Variants in CMSS1 observed in about 807,000 individuals in gnomAD.
CMSS1 encodes cms1 ribosomal small subunit homolog.
A neutral mutation model predicts 43.5 loss-of-function variants in CMSS1; 33 were observed. The observed-to-expected ratio is 0.76, with a 90% confidence interval of 0.57 to 1.01. The LOEUF (loss-of-function observed/expected upper bound fraction) is 1.01. Among genes scored for constraint, CMSS1 ranks in the 50% least tolerant of loss-of-function variants. The pLI is 0.00. For synonymous variants in CMSS1, 115 were observed against 117.2 expected, an observed-to-expected ratio of 0.98 and a Z score of 0.12; for missense variants, 313 against 326.4, an observed-to-expected ratio of 0.96 and a Z score of 0.32.
At chr3:100,020,135 G>T (rs1356035173) in intron 1 of CMSS1, among the ~76,000 whole-genome samples, 1 of 152,188 alleles carries the variant, frequency 6.6e-6, no homozygotes, top group Non-Finnish European at 1.5e-5. Context: ...CTAAAATTAA[G>T]TGGCATTTAA....
chr3:100,177,169 A>C (rs142997477), intron 9 of CMSS1, among the ~76,000 whole-genome samples: 91 of 152,352 alleles, frequency 6.0e-4, no homozygotes, highest in Non-Finnish European at 1.1e-3. Flanking sequence ...TGAATGAATT[A>C]ATTTATCACA....
chr3:99,998,905 C>T (rs143612096), intron 1 of CMSS1, among the ~76,000 whole-genome samples: 2 of 152,320 alleles, frequency 1.3e-5, no homozygotes, highest in African/African-American at 4.8e-5. Context: ...TTTCCCCCAA[C>T]TAGAAACTTT....
At chr3:100,015,362 G>C (rs771061996) in intron 1 of CMSS1, among the ~76,000 whole-genome samples, 2 of 151,996 alleles carry the variant, frequency 1.3e-5, no homozygotes, top group Non-Finnish European at 2.9e-5. Context: ...CTCGAGATTG[G>C]AGTATTTGAG....
chr3:100,130,957 T>A (rs1374529335), intron 1 of CMSS1, among the ~76,000 whole-genome samples: 2 of 152,204 alleles, frequency 1.3e-5, no homozygotes, highest in Admixed American at 1.3e-4. Context: ...AATCACAGTG[T>A]TCCAGAAGAC....
At chr3:99,901,288 C>A (rs906385620) in intron 1 of CMSS1, among the ~76,000 whole-genome samples, 2 of 152,152 alleles carry the variant, frequency 1.3e-5, no homozygotes. Context: ...GAAGAGTAGT[C>A]TCCCTTTACT....
chr3:99,946,504 T>C (rs1411476558), intron 1 of CMSS1, among the ~76,000 whole-genome samples: 1 of 152,244 alleles, frequency 6.6e-6, no homozygotes, highest in Non-Finnish European at 1.5e-5. Context: ...TTCATGTCTG[T>C]ATCAGAACTG....
chr3:100,043,427 T>C (rs919245155), intron 1 of CMSS1, among the ~76,000 whole-genome samples: 1 of 152,236 alleles, frequency 6.6e-6, no homozygotes, highest in African/African-American at 2.4e-5. Flanking sequence ...CAGCAGTCTC[T>C]AAGGTCTCTT....
At position 99,818,001 on chromosome 3, in the gene CMSS1, G is replaced by C. The variant is rs1342344274; in HGVS notation, c.22G>C (p.Glu8Gln). The C allele has an allele frequency of 4.3e-6, 7 of 1,613,898 alleles. No homozygotes were observed. In the African/African-American group the frequency reaches 5.3e-5, roughly 12 times the overall value. The change falls in exon 1 of 10, where the codon GAG becomes CAG. Residue 8 changes from glutamate (E) to glutamine (Q), a missense_variant. Physicochemically the swap from Glu to Gln is conservative, Grantham distance 29 (BLOSUM62 2). Transcript: ENST00000421999. ...TGAAATGGCAGACGATCTCGGAGAC[G>C]AGTGGTGGGAGAACCAGCCGACTGG... Reference protein sequence around the residue: MADDLGDEWWENQPTGAG... With the variant: MADDLGDQWWENQPTGAG...
intron 8 of CMSS1, among the ~76,000 whole-genome samples, chr3:100,173,018 A>T (rs1237179867): frequency 1.3e-5 from 2 of 152,128 alleles, no homozygotes; most frequent in Non-Finnish European, 2.9e-5. Context: ...TTATTTCCAA[A>T]TTACTTATGT....
intron 1 of CMSS1, among the ~76,000 whole-genome samples, chr3:100,065,672 G>A (rs6764470): frequency 8.1e-6 from 1 of 123,544 alleles, no homozygotes; most frequent in Non-Finnish European, 1.8e-5. Flanking sequence ...TAAAGCTGAG[G>A]TGCAAATGAC....
intron 1 of CMSS1, among the ~76,000 whole-genome samples, chr3:100,031,853 G>A (rs987812041): frequency 6.6e-5 from 10 of 152,156 alleles, no homozygotes; most frequent in Admixed American, 4.6e-4. Context: ...TGGCCATATG[G>A]TCTGTGTAGT....
chr3:99,945,383 G>A (rs912518303), intron 1 of CMSS1, among the ~76,000 whole-genome samples: 2 of 152,164 alleles, frequency 1.3e-5, no homozygotes, highest in African/African-American at 4.8e-5. Context: ...TGGTAATGGG[G>A]ATAGATTGAG....
intron 1 of CMSS1, among the ~76,000 whole-genome samples, chr3:99,887,202 G>A (rs1328753652): frequency 1.3e-5 from 2 of 151,998 alleles, no homozygotes; most frequent in Non-Finnish European, 2.9e-5. Flanking sequence ...AGGAGGAGGA[G>A]GTCGCGGTTA....
At chr3:100,111,508 T>C (rs2066490730) in intron 1 of CMSS1, among the ~76,000 whole-genome samples, 1 of 152,126 alleles carries the variant, frequency 6.6e-6, no homozygotes, top group Non-Finnish European at 1.5e-5. Context: ...TTATACACAA[T>C]ATAAAACACC....
At chr3:99,873,426 T>C (rs1398510423) in intron 1 of CMSS1, among the ~76,000 whole-genome samples, 1 of 152,230 alleles carries the variant, frequency 6.6e-6, no homozygotes, top group Non-Finnish European at 1.5e-5. Context: ...AATATTGCCT[T>C]ACATCCACAA....
chr3:99,830,467 T>A (rs1428220479), intron 1 of CMSS1: 2 of 456,428 alleles, frequency 4.4e-6, no homozygotes, highest in Non-Finnish European at 8.8e-6. Context: ...GTTCTCACGA[T>A]GTGTAGCTTC....
chr3:100,162,745 G>T lies in CMSS1; in HGVS notation c.355+313G>T, dbSNP rs541653905. On this transcript the variant is annotated intron_variant, in intron 4 of 9. Coordinates refer to ENST00000421999, the MANE Select transcript of CMSS1 (RefSeq NM_032359.4). ...TCCCAGCACTCTGGGAGGCTGAGAC[G>T]GGTGGATCACTTGAGGTCAAGAGTT... Among the ~76,000 whole-genome samples the T allele has an allele frequency of 5.3e-5, 8 of 152,300 alleles. No homozygotes were observed. The South Asian group carries it at 1.7e-3, about 32-fold the overall frequency.
At chr3:100,026,978 A>T (rs2064935034) in intron 1 of CMSS1, among the ~76,000 whole-genome samples, 1 of 151,970 alleles carries the variant, frequency 6.6e-6, no homozygotes, top group Non-Finnish European at 1.5e-5. Context: ...TCTGTTCCTC[A>T]CATATGCCAG....
intron 1 of CMSS1, among the ~76,000 whole-genome samples, chr3:99,977,517 C>T (rs998432394): frequency 1.3e-5 from 2 of 152,016 alleles, no homozygotes; most frequent in Non-Finnish European, 2.9e-5. Context: ...ACCTAAATTA[C>T]TTGTTTTCCT....
Sources: gnomAD v4.1 joint callset for allele counts (sites outside exome capture counted in the v4.1 genomes callset) on GRCh38, gnomAD v4.1.1 for gene constraint, MANE v1.5 for transcripts, NCBI Gene and HGNC (gene_info 2026-07-23, HGNC 2026-07-21) for gene names.